SMARCA1: variants seen among roughly 807,000 people sequenced by gnomAD.
SMARCA1 encodes SNF2 related chromatin remodeling ATPase 1, also known as SWI/SNF-related matrix-associated actin-dependent regulator of chromatin subfamily A member 1.
Under a neutral mutation model 93.6 loss-of-function variants are expected in SMARCA1, and 17 were observed. The ratio of observed to expected loss-of-function variants is 0.18; its 90% CI spans 0.12 to 0.27. The LOEUF (loss-of-function observed/expected upper bound fraction) is 0.27. Ranked by LOEUF, SMARCA1 falls within the 10% of genes least tolerant of loss-of-function variation. The pLI, the probability that SMARCA1 is intolerant of heterozygous loss-of-function variation, is 1.00. For missense variants in SMARCA1, 630 were observed against 819.0 expected (o/e 0.77, Z 2.82); for synonymous variants, 271 against 271.4 (o/e 1.00, Z 0.01).
At chrX:129,466,879 C>T (rs1342969743) in intron 21 of SMARCA1, among the ~76,000 whole-genome samples, 1 of 105,693 alleles carries the variant, frequency 9.5e-6, no homozygotes, top group East Asian at 3.0e-4. Flanking sequence ...TAATTGCATA[C>T]ACACTGAAAA....
intron 23 of SMARCA1, 60 bp downstream of exon 23, chrX:129,465,460 G>T: frequency 1.4e-6 from 1 of 738,827 alleles, no homozygotes; most frequent in Non-Finnish European, 2.1e-6. Context: ...AAGGATATAT[G>T]GCATCTGAAA....
At chrX:129,486,584 A>C (rs1393270479) in intron 17 of SMARCA1, among the ~76,000 whole-genome samples, 2 of 111,472 alleles carry the variant, frequency 1.8e-5, no homozygotes, top group Non-Finnish European at 3.8e-5. Flanking sequence ...CTTTATGAGT[A>C]TTAACTCATT....
intron 5 of SMARCA1, among the ~76,000 whole-genome samples, chrX:129,512,549 G>C (rs1722444214): frequency 9.0e-6 from 1 of 111,349 alleles, no homozygotes; most frequent in African/African-American, 3.3e-5. Context: ...CAACTCCAGA[G>C]GACTTTTTAA....
chrX:129,516,943 T>C (rs976135703), intron 2 of SMARCA1, among the ~76,000 whole-genome samples: 2 of 111,556 alleles, frequency 1.8e-5, no homozygotes, highest in African/African-American at 3.2e-5. Context: ...ATGATATATA[T>C]ACCATAAACT....
chrX:129,454,836 A>G (rs1199488678), intron 23 of SMARCA1, among the ~76,000 whole-genome samples: 1 of 111,673 alleles, frequency 9.0e-6, no homozygotes, highest in Admixed American at 9.5e-5. Context: ...TTATGCGGCT[A>G]ACAAACATAA....
At chrX:129,458,250 T>C (rs1178363389) in intron 23 of SMARCA1, among the ~76,000 whole-genome samples, 1 of 112,512 alleles carries the variant, frequency 8.9e-6, no homozygotes, top group Non-Finnish European at 1.9e-5. Flanking sequence ...CCTTCTTCTT[T>C]TGATGTTTTT....
At position 129,490,097 on chromosome X, in the gene SMARCA1, C is replaced by G; in HGVS notation, c.1911G>C (p.Glu637Asp). 8.4e-7 allele frequency: 1 copy of G among 1,192,583 alleles called. No homozygotes were observed. Among genetic ancestry groups the G allele is most frequent in the Non-Finnish European group, 1.1e-6 (1 of 879,279 alleles). ...TVEERIVERA[E>D]IKLRLDSIVI... ...CAATTGAATCGAGTCTCAGTTTTAT[C>G]TCAGCTCTTTCTACAATCCTCTCTT... Residue 637 changes from glutamate (E) to aspartate (D), a missense_variant, in exon 15 of 25, where the codon GAG becomes GAC. This residue lies in a region of SMARCA1 where 382 missense variants were observed against 537.9 expected (regional missense o/e 0.71). Coordinates refer to ENST00000371121, the MANE Select transcript of SMARCA1 (RefSeq NM_001282874.2).
Position 129,523,361 on chromosome X carries a change from C to T in SMARCA1, c.10G>A (p.Asp4Asn). Reference protein sequence around the residue: MEQDTAAVAATVAA... With the variant: MEQNTAAVAATVAA... Reference sequence around the variant, plus strand: ...ACGGTGGCTGCCACTGCGGCAGTGTCCTGCTCCATGCCGTGGGAGCGGGAA... The same window carrying T: ...ACGGTGGCTGCCACTGCGGCAGTGTTCTGCTCCATGCCGTGGGAGCGGGAA... Residue 4 changes from aspartate (D) to asparagine (N), a missense_variant, in exon 1 of 25, where the codon GAC (aspartate) becomes AAC (asparagine). Transcript: ENST00000371121. 6 of 1,176,379 alleles carry T rather than the reference C, an allele frequency of 5.1e-6. No individual in the cohort carries two copies. The South Asian group carries it at 1.1e-4, about 22-fold the overall frequency.
Position 129,523,285 on chromosome X carries a change from G to A in SMARCA1, c.86C>T (p.Pro29Leu). 8.3e-7 allele frequency: 1 copy of A among 1,209,120 alleles called. No individual in the cohort carries two copies. Among genetic ancestry groups the A allele is most frequent in the Non-Finnish European group, 1.1e-6 (1 of 894,741 alleles). The change falls in exon 1 of 25, where the codon CCC becomes CTC. Residue 29 changes from proline (P) to leucine (L), a missense_variant. Pro to Leu is a moderately conservative substitution (Grantham distance 98). Coordinates refer to ENST00000371121, the MANE Select transcript of SMARCA1 (RefSeq NM_001282874.2). Reference sequence around the variant, plus strand: ...CTCCTCCTGAGAGGTGGACGGCCCGGGCTGCTCGTCCTCTATGACCACGAT... The same window carrying A: ...CTCCTCCTGAGAGGTGGACGGCCCGAGCTGCTCGTCCTCTATGACCACGAT... ...ATIVVIEDEQ[P>L]GPSTSQEEGA...
At chrX:129,480,938 G>T in intron 18 of SMARCA1, 124 bp from the exon 19 acceptor site, 1 of 566,992 alleles carries the variant, frequency 1.8e-6, no homozygotes, top group Non-Finnish European at 2.8e-6. Context: ...ATATGGCTGG[G>T]CCAAATCAGA....
intron 11 of SMARCA1, 150 bp from the exon 12 acceptor site, chrX:129,497,021 ACC>A (rs61660022): frequency 3.2e-4 from 124 of 383,134 alleles, no homozygotes; most frequent in Middle Eastern, 6.9e-4. Context: ...ACACACACAC[ACC>A]CCCACACACC....
chrX:129,469,070 G>T (rs1437614594), intron 20 of SMARCA1, among the ~76,000 whole-genome samples, 165 bp from the exon 21 acceptor site: 1 of 112,365 alleles, frequency 8.9e-6, no homozygotes, highest in Non-Finnish European at 1.9e-5. Flanking sequence ...AAAGTTGAGT[G>T]AGAGTTGTTA....
At chrX:129,499,919 G>A (rs951558488) in intron 9 of SMARCA1, 78 bp from the exon 10 acceptor site, 33 of 490,868 alleles carry the variant, frequency 6.7e-5, no homozygotes, top group Non-Finnish European at 1.1e-4. Context: ...CAACATTAAT[G>A]TGAAATTTAC....
chrX:129,487,206 C>T (rs1287790233), intron 16 of SMARCA1, 69 bp from the exon 17 acceptor site: 1 of 771,848 alleles, frequency 1.3e-6, no homozygotes, highest in African/African-American at 2.1e-5. Flanking sequence ...GGATTCTCTA[C>T]CTTTTTAATA....
At chrX:129,477,866 T>C (rs1040085199) in intron 19 of SMARCA1, among the ~76,000 whole-genome samples, 2 of 109,220 alleles carry the variant, frequency 1.8e-5, no homozygotes, top group Non-Finnish European at 3.8e-5. Context: ...CTCATTAATA[T>C]GACCTACAAA....
chrX:129,463,872 G>A (rs987249147), intron 23 of SMARCA1, among the ~76,000 whole-genome samples: 6 of 111,492 alleles, frequency 5.4e-5, no homozygotes, highest in African/African-American at 1.6e-4. Context: ...GGGAGGTGGA[G>A]GTTGCAGTGA....
chrX:129,483,113 G>C (rs1490808265), intron 17 of SMARCA1, among the ~76,000 whole-genome samples: 2 of 112,348 alleles, frequency 1.8e-5, no homozygotes, highest in Non-Finnish European at 3.8e-5. Context: ...AGAGAAAGTA[G>C]ATGGCTACTC....
At chrX:129,460,532 TCCCTGCTA>T (rs1932789944) in intron 23 of SMARCA1, among the ~76,000 whole-genome samples, 2 of 110,076 alleles carry the variant, frequency 1.8e-5, no homozygotes, top group Non-Finnish European at 3.8e-5. Context: ...GCAACTGTAA[TCCCTGCTA>T]CTCGGGAGGT....
chrX:129,520,652 C>T (rs1935355986), intron 1 of SMARCA1, among the ~76,000 whole-genome samples: 1 of 110,567 alleles, frequency 9.0e-6, no homozygotes, highest in Non-Finnish European at 1.9e-5. Context: ...AAAATGTCTT[C>T]CACTGCAGTA....
Sources: gnomAD v4.1 joint callset for allele counts (sites outside exome capture counted in the v4.1 genomes callset) on GRCh38, gnomAD v4.1.1 for gene constraint, gnomAD v4.1.1 regional missense constraint, MANE v1.5 for transcripts, NCBI Gene and HGNC (gene_info 2026-07-23, HGNC 2026-07-21) for gene names.